The following DLGAP1 variants were observed in gnomAD, a reference collection of about 807,000 sequenced individuals.
DLGAP1 encodes DLG associated protein 1, also known as disks large-associated protein 1.
In DLGAP1, 11 loss-of-function variants were observed where a neutral mutation model predicts 90.8. That is an observed-to-expected ratio of 0.12 (90% CI 0.08 to 0.20). The LOEUF is 0.20. Ranked by LOEUF, DLGAP1 falls within the 10% of genes least tolerant of loss-of-function variation. The pLI is 1.00. For synonymous variants in DLGAP1, 558 were observed against 540.7 expected (o/e 1.03, Z -0.44); for missense variants, 1,050 against 1,333.8 (o/e 0.79, Z 3.31).
At chr18:4,045,514 G>A (rs539132924) in intron 2 of DLGAP1, among the ~76,000 whole-genome samples, 3 of 142,788 alleles carry the variant, frequency 2.1e-5, no homozygotes, top group Non-Finnish European at 3.0e-5. Flanking sequence ...CGGACGGATC[G>A]CTTGAGCCTG....
intron 7 of DLGAP1, among the ~76,000 whole-genome samples, chr18:3,601,891 C>T (rs1320232592): frequency 6.7e-6 from 1 of 149,960 alleles, no homozygotes; most frequent in African/African-American, 2.5e-5. Flanking sequence ...TACCTGTAAT[C>T]CCAGCTACTC....
At chr18:3,568,787 C>T (rs954587977) in intron 8 of DLGAP1, among the ~76,000 whole-genome samples, 7 of 151,614 alleles carry the variant, frequency 4.6e-5, no homozygotes, top group African/African-American at 1.7e-4. Flanking sequence ...CCCAGGTTCA[C>T]ACCATTCTCC....
At chr18:3,766,114 C>G (rs1292521444) in intron 5 of DLGAP1, among the ~76,000 whole-genome samples, 1 of 151,926 alleles carries the variant, frequency 6.6e-6, no homozygotes, top group Admixed American at 6.5e-5. Context: ...ACAATGTAGG[C>G]AAGTTGAAAG....
intron 6 of DLGAP1, among the ~76,000 whole-genome samples, chr18:3,741,070 C>CCAT (rs2062932407): frequency 8.0e-6 from 1 of 125,310 alleles, no homozygotes; most frequent in African/African-American, 3.3e-5. Context: ...ACCACCACCA[C>CCAT]CACCACCACC....
intron 2 of DLGAP1, among the ~76,000 whole-genome samples, chr18:4,124,949 C>A (rs1256741293): frequency 6.6e-6 from 1 of 152,140 alleles, no homozygotes; most frequent in African/African-American, 2.4e-5. Context: ...ACTAGGTACC[C>A]CGGAATCAGG....
intron 7 of DLGAP1, among the ~76,000 whole-genome samples, chr18:3,616,610 C>T (rs2057879528): frequency 6.6e-6 from 1 of 151,722 alleles, no homozygotes; most frequent in Admixed American, 6.6e-5. Flanking sequence ...AAAAAATTAG[C>T]CTGCTGTGGT....
chr18:3,908,249 A>G (rs1466709590), intron 3 of DLGAP1, among the ~76,000 whole-genome samples: 5 of 152,206 alleles, frequency 3.3e-5, no homozygotes, highest in Admixed American at 6.5e-5. Flanking sequence ...GTAATGGGGG[A>G]GAGGGATATA....
intron 2 of DLGAP1, among the ~76,000 whole-genome samples, chr18:4,114,732 CTTAGT>C (rs1301967007): frequency 6.6e-6 from 1 of 151,830 alleles, no homozygotes; most frequent in East Asian, 1.9e-4. Context: ...ATTTTTGTTT[CTTAGT>C]TTATGTATGT....
rs1017733142 is a variant in DLGAP1 at position 3,548,281 on chromosome 18, A to C, written c.2058-13666T>G. Among the ~76,000 whole-genome samples, 8 of 152,278 alleles carry C rather than the reference A, an allele frequency of 5.3e-5. 2 individuals carry two copies. The highest frequency in any genetic ancestry group is 1.9e-4 in the East Asian group (1 of 5,186). On this transcript the variant is annotated intron_variant, in intron 9 of 12. Transcript: ENST00000315677. ...TGTATCTTAGTATAATTTTTCTAAA[A>C]AAAAATCAGCAATTCAATTCATCAT...
rs549943337 is a variant in DLGAP1, at chr18:4,286,927, A to C, written c.-266-135640T>G. Among the ~76,000 whole-genome samples the C allele has an allele frequency of 9.0e-4, 137 of 152,202 alleles. 2 individuals carry two copies. The highest frequency in any genetic ancestry group is 2.9e-3 in the African/African-American group (122 of 41,510). ...ATAATTGGGGGAGTGAACCACATGG[A>C]TATTTGGGAATCTATCCCCTTCAGA... On this transcript the variant is annotated intron_variant, in intron 1 of 12. Transcript: ENST00000315677.
chr18:3,974,079 A>AT lies in DLGAP1; in HGVS notation c.-73+31036dup, dbSNP rs547544555. 3.6e-3 allele frequency among the ~76,000 whole-genome samples: 538 copies of AT among 148,304 alleles called. 4 individuals carry two copies. Among genetic ancestry groups the AT allele is most frequent in the African/African-American group, 9.1e-3 (369 of 40,734 alleles). On this transcript the variant is annotated intron_variant, in intron 3 of 12. Transcript: ENST00000315677. ...AAAAGGCACAGTAAAGACACTTTTT[A>AT]TTTTTTTTTTTTTTGAGAAGGAGTC...
intron 8 of DLGAP1, among the ~76,000 whole-genome samples, chr18:3,574,834 A>G (rs1246806093): frequency 2.4e-5 from 3 of 127,058 alleles, no homozygotes; most frequent in African/African-American, 7.9e-5. Context: ...ATTTATTTTG[A>G]GACAGAGTCT....
At chr18:4,002,635 G>A (rs752853573) in intron 3 of DLGAP1, among the ~76,000 whole-genome samples, 2 of 152,042 alleles carry the variant, frequency 1.3e-5, no homozygotes, top group African/African-American at 2.4e-5. Flanking sequence ...ATTCAATGAC[G>A]ATGTTATCAG....
intron 3 of DLGAP1, among the ~76,000 whole-genome samples, chr18:3,994,988 A>G (rs2074039446): frequency 6.6e-6 from 1 of 152,232 alleles, no homozygotes; most frequent in African/African-American, 2.4e-5. Flanking sequence ...GTAAATGTTT[A>G]CCTCATCATA....
intron 3 of DLGAP1, among the ~76,000 whole-genome samples, chr18:3,959,269 C>T (rs2073144620): frequency 6.6e-6 from 1 of 151,994 alleles, no homozygotes; most frequent in Admixed American, 6.6e-5. Context: ...CTGACCTTGT[C>T]TTTAGGTCCT....
At chr18:4,276,696 T>C (rs2079424553) in intron 1 of DLGAP1, among the ~76,000 whole-genome samples, 1 of 151,768 alleles carries the variant, frequency 6.6e-6, no homozygotes, top group Non-Finnish European at 1.5e-5. Context: ...AAAAGTAAAA[T>C]GTCTTACAGT....
At chr18:3,698,677 A>G (rs528551117) in intron 7 of DLGAP1, among the ~76,000 whole-genome samples, 1 of 152,182 alleles carries the variant, frequency 6.6e-6, no homozygotes, top group Middle Eastern at 3.4e-3. Context: ...CCTGAATTTG[A>G]ATGTTGGCCT....
At chr18:4,218,094 G>A (rs1375440124) in intron 1 of DLGAP1, among the ~76,000 whole-genome samples, 3 of 151,522 alleles carry the variant, frequency 2.0e-5, no homozygotes, top group Admixed American at 6.6e-5. Flanking sequence ...TTCTGTGAAA[G>A]GTGTAAGATC....
At chr18:3,664,321 C>G (rs1453498031) in intron 7 of DLGAP1, among the ~76,000 whole-genome samples, 5 of 152,090 alleles carry the variant, frequency 3.3e-5, no homozygotes, top group Non-Finnish European at 7.4e-5. Flanking sequence ...CAGCTGAACC[C>G]TGCCTAAATT....
Sources: allele counts gnomAD v4.1 joint callset (sites outside exome capture counted in the v4.1 genomes callset), GRCh38; gene constraint gnomAD v4.1.1; transcripts MANE v1.5; gene names NCBI Gene and HGNC (gene_info 2026-07-23, HGNC 2026-07-21).